Variants in NKAIN3 observed in about 807,000 individuals in gnomAD.
NKAIN3 encodes sodium/potassium-transporting ATPase subunit beta-1-interacting protein 3.
Under a neutral mutation model 30.2 loss-of-function variants are expected in NKAIN3, and 25 were observed. The observed-to-expected ratio is 0.83, with a 90% CI of 0.60 to 1.16. The LOEUF is 1.16. Among genes scored for constraint, NKAIN3 ranks in the 50% most tolerant of loss-of-function variants. The probability of loss-of-function intolerance (pLI) is 0.00; values close to 1 mark genes in which losing one functional copy is unlikely to be tolerated. For synonymous variants in NKAIN3, 91 were observed against 89.6 expected (o/e 1.02, Z -0.09); for missense variants, 225 against 254.1 (o/e 0.89, Z 0.78).
chr8:62,813,636 A>G (rs556110267), intron 4 of NKAIN3, among the ~76,000 whole-genome samples: 2 of 150,866 alleles, frequency 1.3e-5, no homozygotes, highest in Non-Finnish European at 3.0e-5. Flanking sequence ...TGGTTGTTTT[A>G]TATACTCTTT....
intron 3 of NKAIN3, among the ~76,000 whole-genome samples, chr8:62,711,800 G>A (rs1394906861): frequency 4.6e-5 from 7 of 152,124 alleles, no homozygotes. Flanking sequence ...GATTTTTTGG[G>A]AGCGTTAAAT....
chr8:62,799,447 C>T (rs1039183912), intron 4 of NKAIN3, among the ~76,000 whole-genome samples: 4 of 152,110 alleles, frequency 2.6e-5, no homozygotes, highest in Non-Finnish European at 4.4e-5. Context: ...CGGAAAAATG[C>T]TCAACATCAC....
intron 1 of NKAIN3, among the ~76,000 whole-genome samples, chr8:62,554,035 AGTAGTTT>A (rs1315713054): frequency 1.1e-4 from 16 of 152,200 alleles, no homozygotes; most frequent in Non-Finnish European, 2.2e-4. Context: ...GACTTGTGTT[AGTAGTTT>A]CCTAATAAAG....
chr8:62,640,079 A>C (rs1026156078), intron 3 of NKAIN3, among the ~76,000 whole-genome samples: 6 of 152,140 alleles, frequency 3.9e-5, no homozygotes, highest in African/African-American at 7.2e-5. Flanking sequence ...TATTTTTCCC[A>C]ATCATTTACA....
At chr8:62,401,663 A>C (rs1803877310) in intron 1 of NKAIN3, among the ~76,000 whole-genome samples, 1 of 152,154 alleles carries the variant, frequency 6.6e-6, no homozygotes, top group Non-Finnish European at 1.5e-5. Context: ...ACGCCCAGTA[A>C]CTCGAAGGAT....
intron 1 of NKAIN3, among the ~76,000 whole-genome samples, chr8:62,366,374 G>A (rs4738959): frequency 0.97 from 146,845 of 151,920 alleles, 71,012 homozygotes; most frequent in East Asian, 1. Context: ...TTACAGGCAT[G>A]CACCACTGTA....
intron 3 of NKAIN3, among the ~76,000 whole-genome samples, chr8:62,739,397 A>G (rs1815788710): frequency 1.3e-5 from 2 of 152,128 alleles, no homozygotes; most frequent in Admixed American, 6.5e-5. Context: ...CTTCCACCCA[A>G]GCTTCACTGC....
intron 4 of NKAIN3, among the ~76,000 whole-genome samples, chr8:62,884,186 A>C (rs1238298503): frequency 6.6e-6 from 1 of 152,150 alleles, no homozygotes; most frequent in African/African-American, 2.4e-5. Context: ...CTTTTGTATT[A>C]GGATAATGCT....
intron 1 of NKAIN3, among the ~76,000 whole-genome samples, chr8:62,311,960 A>C (rs984830260): frequency 6.6e-6 from 1 of 150,582 alleles, no homozygotes; most frequent in Non-Finnish European, 1.5e-5. Flanking sequence ...AACTTTCAAA[A>C]TACTGATGCT....
intron 6 of NKAIN3, among the ~76,000 whole-genome samples, chr8:62,956,163 A>G (rs1823412087): frequency 6.6e-6 from 1 of 152,142 alleles, no homozygotes. Context: ...ATTTCTTTTA[A>G]TAAGCCCGTT....
chr8:62,789,519 C>T (rs1455187323), intron 4 of NKAIN3, among the ~76,000 whole-genome samples: 1 of 152,090 alleles, frequency 6.6e-6, no homozygotes, highest in African/African-American at 2.4e-5. Context: ...ATTGAATGCC[C>T]TGTATTTCCT....
chr8:62,286,361 T>C (rs1421844679), intron 1 of NKAIN3, among the ~76,000 whole-genome samples: 1 of 152,188 alleles, frequency 6.6e-6, no homozygotes, highest in Non-Finnish European at 1.5e-5. Flanking sequence ...TTGACTCTTT[T>C]GTATTTATAT....
chr8:62,739,593 T>A (rs534349525), intron 3 of NKAIN3, among the ~76,000 whole-genome samples: 24 of 152,292 alleles, frequency 1.6e-4, no homozygotes, highest in Non-Finnish European at 2.1e-4. Flanking sequence ...GGTTTTTTTT[T>A]AAAATAATAG....
chr8:62,313,469 G>A (rs771543680), intron 1 of NKAIN3, among the ~76,000 whole-genome samples: 1 of 152,078 alleles, frequency 6.6e-6, no homozygotes, highest in African/African-American at 2.4e-5. Context: ...TGCATGTATT[G>A]ATGTACAACT....
intron 1 of NKAIN3, among the ~76,000 whole-genome samples, chr8:62,536,873 C>T (rs191608059): frequency 2.4e-4 from 37 of 152,120 alleles, no homozygotes; most frequent in African/African-American, 8.2e-4. Context: ...CAGCAATCTA[C>T]GAGGCCCTCA....
At chr8:62,594,554 A>G (rs1810763092) in intron 3 of NKAIN3, among the ~76,000 whole-genome samples, 1 of 152,024 alleles carries the variant, frequency 6.6e-6, no homozygotes, top group Non-Finnish European at 1.5e-5. Context: ...CTTATCTACA[A>G]AGGCCCAACC....
At chr8:62,293,900 A>T (rs1035373038) in intron 1 of NKAIN3, among the ~76,000 whole-genome samples, 1 of 152,128 alleles carries the variant, frequency 6.6e-6, no homozygotes, top group Non-Finnish European at 1.5e-5. Flanking sequence ...TCGAGCTTCC[A>T]GGCTACTTTG....
chr8:62,391,278 G>A (rs1172596543), intron 1 of NKAIN3, among the ~76,000 whole-genome samples: 1 of 152,036 alleles, frequency 6.6e-6, no homozygotes, highest in Non-Finnish European at 1.5e-5. Context: ...GAATTGTTTT[G>A]TATAGCCAAG....
intron 1 of NKAIN3, among the ~76,000 whole-genome samples, chr8:62,563,528 G>T (rs1255424590): frequency 6.6e-6 from 1 of 151,976 alleles, no homozygotes; most frequent in Non-Finnish European, 1.5e-5. Context: ...CCTTCCCTTG[G>T]CAAGAACCTG....
Sources: gnomAD v4.1 joint callset for allele counts (sites outside exome capture counted in the v4.1 genomes callset) on GRCh38, gnomAD v4.1.1 for gene constraint, MANE v1.5 for transcripts, NCBI Gene and HGNC (gene_info 2026-07-23, HGNC 2026-07-21) for gene names.